Variants in CELF2 observed in about 807,000 individuals in gnomAD.
CELF2 encodes the protein CUG triplet repeat RNA-binding protein 2.
In CELF2, 8 loss-of-function variants were observed where a neutral mutation model predicts 62.6. The ratio of observed to expected loss-of-function variants is 0.13; its 90% confidence interval spans 0.07 to 0.23. The LOEUF (loss-of-function observed/expected upper bound fraction) is 0.23, where lower values mean the gene tolerates loss of function less well. Ranked by LOEUF, CELF2 falls within the 10% of genes least tolerant of loss-of-function variation. The pLI, the probability that CELF2 is intolerant of heterozygous loss-of-function variation, is 1.00. For missense variants in CELF2, 333 were observed against 671.0 expected, an observed-to-expected ratio of 0.50 and a Z score of 5.56; for synonymous variants, 258 against 250.0, an observed-to-expected ratio of 1.03 and a Z score of -0.30.
At chr10:10,843,905 T>G (rs1000229531) in intron 1 of CELF2, among the ~76,000 whole-genome samples, 2 of 152,042 alleles carry the variant, frequency 1.3e-5, no homozygotes, top group African/African-American at 2.4e-5. Flanking sequence ...TACTAAGATT[T>G]TTTTTCATTG....
chr10:10,960,797 T>C (rs1166563898), intron 2 of CELF2, among the ~76,000 whole-genome samples: 1 of 152,242 alleles, frequency 6.6e-6, no homozygotes, highest in Non-Finnish European at 1.5e-5. Context: ...GCAAACCTAA[T>C]AGGTATGCGT....
chr10:10,960,881 G>A (rs946079754), intron 2 of CELF2, among the ~76,000 whole-genome samples: 3 of 152,192 alleles, frequency 2.0e-5, no homozygotes, highest in Non-Finnish European at 4.4e-5. Flanking sequence ...CACATTTAGA[G>A]TCACATTGTA....
the CELF2 span, among the ~76,000 whole-genome samples, chr10:10,664,135 G>A: frequency 3.9e-5 from 6 of 152,126 alleles, no homozygotes; most frequent in Non-Finnish European, 5.9e-5. Flanking sequence ...CACAGTTTTG[G>A]TGGTCCTGGC....
the CELF2 span, among the ~76,000 whole-genome samples, chr10:10,557,089 T>G: frequency 1.4e-5 from 2 of 147,800 alleles, no homozygotes; most frequent in Non-Finnish European, 3.0e-5. Context: ...TTTGGTGTTT[T>G]GGACATGAAG....
In CELF2 at chr10:10,947,158, CA is replaced by C. The variant is rs1247374611; in HGVS notation, c.89+27161del. 1.3e-5 allele frequency: 2 copies of C among 152,174 alleles called. No individual in the cohort carries two copies. The highest frequency in any genetic ancestry group is 2.9e-5 in the Non-Finnish European group (2 of 68,046). The allele number at this position is 152,174 out of a possible 1,614,324, so 9.4% of individuals were successfully genotyped here. On this transcript the variant is annotated intron_variant, in intron 2 of 13. Coordinates refer to the CELF2 transcript ENST00000636488. The surrounding 1 kb of genome is among the most constrained non-coding windows in gnomAD (Gnocchi z 4.1). ...GATCGGAGAAGGCAAGGAAACCTTCCAATCGTTAGAAGTGCACAGGCTCGCT... is the reference window on the plus strand; with the variant it reads ...GATCGGAGAAGGCAAGGAAACCTTCCATCGTTAGAAGTGCACAGGCTCGCT...
At chr10:10,994,999 C>A (rs2053808213) in intron 2 of CELF2, among the ~76,000 whole-genome samples, 1 of 152,208 alleles carries the variant, frequency 6.6e-6, no homozygotes, top group Non-Finnish European at 1.5e-5. Flanking sequence ...AAAAGTCTCC[C>A]TGGTGATTCC....
At chr10:10,731,792 T>C in the CELF2 span, among the ~76,000 whole-genome samples, 23,362 of 152,120 alleles carry the variant, frequency 0.15, 2,085 homozygotes, top group East Asian at 0.31. Flanking sequence ...AGAAGGAATG[T>C]TCTGTTCAGT....
chr10:11,192,766 A>G (rs2076552563), intron 2 of CELF2, among the ~76,000 whole-genome samples: 1 of 152,200 alleles, frequency 6.6e-6, no homozygotes, highest in Non-Finnish European at 1.5e-5. Flanking sequence ...GGCGTGCGTT[A>G]GAATCACCTA....
the CELF2 span, among the ~76,000 whole-genome samples, chr10:10,629,114 T>C: frequency 6.6e-6 from 1 of 152,190 alleles, no homozygotes; most frequent in African/African-American, 2.4e-5. Context: ...CAAACTTCTG[T>C]GCCCTAACTT....
intron 1 of CELF2, among the ~76,000 whole-genome samples, chr10:11,097,577 C>G (rs535266293): frequency 2.0e-5 from 3 of 152,308 alleles, no homozygotes; most frequent in Non-Finnish European, 4.4e-5. Flanking sequence ...GAATTGAGTG[C>G]TCCGGTTCAA....
At chr10:10,838,729 G>T (rs1359980997) in intron 1 of CELF2, among the ~76,000 whole-genome samples, 1 of 152,024 alleles carries the variant, frequency 6.6e-6, no homozygotes, top group Non-Finnish European at 1.5e-5. Flanking sequence ...TGTGGGTTTT[G>T]TTTTGTTATA....
In CELF2 at chr10:11,280,346, G is replaced by A. The variant is rs2087928347; in HGVS notation, c.841+5226G>A. On this transcript the variant is annotated intron_variant, in intron 8 of 12. Coordinates refer to ENST00000633077, the MANE Select transcript of CELF2 (RefSeq NM_001326342.2). The surrounding 1 kb of genome is among the most constrained non-coding windows in gnomAD (Gnocchi z 7.6). ...CCGAGAAGCCTAGTCCGGCTAAGAA[G>A]GGAGAGGGAACCTCTGTCCTCACCC... 6.6e-6 allele frequency among the ~76,000 whole-genome samples: 1 copy of A among 152,182 alleles called. No individual in the cohort carries two copies. The highest frequency in any genetic ancestry group is 1.5e-5 in the Non-Finnish European group (1 of 68,020).
the CELF2 span, among the ~76,000 whole-genome samples, chr10:10,770,513 G>A: frequency 1.3e-5 from 2 of 152,090 alleles, no homozygotes; most frequent in African/African-American, 2.4e-5. Flanking sequence ...GAGGAATCAT[G>A]AGCTAGGAGT....
chr10:10,586,688 T>G, the CELF2 span, among the ~76,000 whole-genome samples: 1 of 152,148 alleles, frequency 6.6e-6, no homozygotes, highest in Non-Finnish European at 1.5e-5. Context: ...TCCTTGAAAT[T>G]AGAATCATCA....
At chr10:10,989,816 A>G (rs1189087677) in intron 2 of CELF2, among the ~76,000 whole-genome samples, 1 of 152,130 alleles carries the variant, frequency 6.6e-6, no homozygotes, top group Non-Finnish European at 1.5e-5. Context: ...ACAGTTTATG[A>G]CTAAAGCACA....
At chr10:10,761,905 C>CGTGTGT in the CELF2 span, among the ~76,000 whole-genome samples, 1,603 of 128,940 alleles carry the variant, frequency 0.012, 21 homozygotes, top group Admixed American at 0.028. Context: ...TATAATAAAC[C>CGTGTGT]GTGTGTGTGT....
chr10:10,765,702 C>T, the CELF2 span, among the ~76,000 whole-genome samples: 10 of 152,340 alleles, frequency 6.6e-5, no homozygotes, highest in South Asian at 2.1e-3. Context: ...TGATCCTCCA[C>T]TACCTGTTCT....
rs116393654 is a variant in CELF2 at position 11,331,368 on chromosome 10, A to T, written c.*2315A>T. On this transcript the variant is annotated 3_prime_UTR_variant, in exon 13 of 13. Coordinates refer to ENST00000633077, the MANE Select transcript of CELF2 (RefSeq NM_001326342.2). ...GGGAAAAAAAAAAAACCTATTCCAG[A>T]ATAAGTTTTGTGTTGGCTTGTGAAG... 276 of 151,510 alleles carry T rather than the reference A, an allele frequency of 1.8e-3. No individual in the cohort carries two copies. The highest frequency in any genetic ancestry group is 6.4e-3 in the African/African-American group (265 of 41,346). The allele number at this position is 151,510 out of a possible 1,614,324, so 9.4% of individuals were successfully genotyped here.
chr10:10,657,960 G>T, the CELF2 span, among the ~76,000 whole-genome samples: 1 of 152,074 alleles, frequency 6.6e-6, no homozygotes, highest in African/African-American at 2.4e-5. Context: ...TCAGGTTTAC[G>T]CTGAGTTGTA....
Sources: allele counts gnomAD v4.1 joint callset (sites outside exome capture counted in the v4.1 genomes callset), GRCh38; gene constraint gnomAD v4.1.1; non-coding constraint Gnocchi (gnomAD v3.1); transcripts MANE v1.5; gene names NCBI Gene and HGNC (gene_info 2026-07-23, HGNC 2026-07-21).